PRKCH: variants seen among roughly 807,000 people sequenced by gnomAD.
PRKCH encodes the protein protein kinase C eta, also known as protein kinase C eta type.
A neutral mutation model predicts 82.5 loss-of-function variants in PRKCH; 28 were observed. The ratio of observed to expected loss-of-function variants is 0.34; its 90% CI spans 0.25 to 0.47. The LOEUF (loss-of-function observed/expected upper bound fraction) is 0.47. Among genes scored for constraint, PRKCH ranks in the 20% least tolerant of loss-of-function variants. PRKCH has a pLI of 1.00. For synonymous variants in PRKCH, 322 were observed against 327.4 expected (o/e 0.98, Z 0.18); for missense variants, 705 against 881.8 (o/e 0.80, Z 2.54).
chr14:61,406,000 T>G (rs544565226), intron 2 of PRKCH, among the ~76,000 whole-genome samples: 1 of 152,274 alleles, frequency 6.6e-6, no homozygotes, highest in South Asian at 2.1e-4. Flanking sequence ...TTGAGAATTT[T>G]GAAAAATACA....
intron 1 of PRKCH, chr14:61,281,121 G>A (rs2045261350): frequency 4.2e-6 from 6 of 1,416,456 alleles, no homozygotes; most frequent in South Asian, 1.5e-5. Context: ...GCTGGTGGGC[G>A]CCCCGGGCCG....
At chr14:61,395,021 T>C (rs2046752746) in intron 2 of PRKCH, among the ~76,000 whole-genome samples, 2 of 152,320 alleles carry the variant, frequency 1.3e-5, no homozygotes, top group South Asian at 4.1e-4. Context: ...TGTTTGCATA[T>C]TTTAAAAGAT....
chr14:61,533,716 C>G (rs542072152), intron 12 of PRKCH, among the ~76,000 whole-genome samples: 2 of 152,218 alleles, frequency 1.3e-5, no homozygotes, highest in African/African-American at 2.4e-5. Context: ...AGGGCTACTG[C>G]GTGGTTGGCA....
chr14:61,522,311 T>C (rs1305182421), intron 10 of PRKCH, among the ~76,000 whole-genome samples: 7 of 152,200 alleles, frequency 4.6e-5, no homozygotes, highest in African/African-American at 1.7e-4. Flanking sequence ...TCCTCTGATA[T>C]GGAGTCCTGT....
chr14:61,310,021 T>C (rs1403402100), intron 1 of PRKCH, among the ~76,000 whole-genome samples: 1 of 151,628 alleles, frequency 6.6e-6, no homozygotes, highest in African/African-American at 2.4e-5. Context: ...AAGAATAGCA[T>C]GGAGGGAACC....
At chr14:61,288,374 C>T (rs981413046) in intron 1 of PRKCH, among the ~76,000 whole-genome samples, 8 of 152,214 alleles carry the variant, frequency 5.3e-5, no homozygotes, top group Non-Finnish European at 1.2e-4. Flanking sequence ...GGATTACAGG[C>T]ATGAGCTGTG....
At chr14:61,487,069 T>C (rs2140332331) in intron 10 of PRKCH, among the ~76,000 whole-genome samples, 1 of 152,274 alleles carries the variant, frequency 6.6e-6, no homozygotes, top group Non-Finnish European at 1.5e-5. Context: ...AGTAACTCTC[T>C]TAGAGAGAGT....
intron 1 of PRKCH, among the ~76,000 whole-genome samples, chr14:61,188,391 C>T (rs2044379623): frequency 6.6e-6 from 1 of 152,176 alleles, no homozygotes; most frequent in Middle Eastern, 3.2e-3. Flanking sequence ...GAAGGCTGGC[C>T]CGCGGCTCTC....
At chr14:61,209,204 C>G (rs963687995) in intron 1 of PRKCH, among the ~76,000 whole-genome samples, 19 of 151,376 alleles carry the variant, frequency 1.3e-4, no homozygotes, top group Admixed American at 6.6e-4. Flanking sequence ...TCTTGGACTT[C>G]TCAGCCTCAA....
At chr14:61,188,605 TG>T (rs2044384744) in intron 1 of PRKCH, among the ~76,000 whole-genome samples, 3 of 55,242 alleles carry the variant, frequency 5.4e-5, no homozygotes, top group Non-Finnish European at 8.0e-5. Flanking sequence ...GGTGGGGGGG[TG>T]GTGTGGTGTG....
chr14:61,202,782 T>C (rs935313981), intron 1 of PRKCH, among the ~76,000 whole-genome samples: 1 of 152,198 alleles, frequency 6.6e-6, no homozygotes, highest in African/African-American at 2.4e-5. Flanking sequence ...TATATACTTA[T>C]CCTCACGCCC....
At chr14:61,322,946 G>C (rs2045649054) in intron 1 of PRKCH, 1 of 156,816 alleles carries the variant, frequency 6.4e-6, no homozygotes, top group African/African-American at 2.4e-5. Context: ...ACGTGCACAC[G>C]TGTTTCGGCT....
At chr14:61,240,126 CGT>C (rs1566791161) in intron 1 of PRKCH, among the ~76,000 whole-genome samples, 237 of 151,692 alleles carry the variant, frequency 1.6e-3, no homozygotes, top group African/African-American at 5.3e-3. Flanking sequence ...GTAGAAACAC[CGT>C]GGGTCCTTTG....
At chr14:61,454,498 C>CA (rs1197594168) in intron 7 of PRKCH, among the ~76,000 whole-genome samples, 2 of 152,208 alleles carry the variant, frequency 1.3e-5, no homozygotes, top group Non-Finnish European at 2.9e-5. Flanking sequence ...GGGGACCAGG[C>CA]AGGACAGGTG....
At chr14:61,442,991 A>G in intron 2 of PRKCH, 120 bp from the exon 3 acceptor site, 1 of 995,684 alleles carries the variant, frequency 1.0e-6, no homozygotes, top group African/African-American at 1.6e-5. Flanking sequence ...GATGGTTTAG[A>G]TCTTGAAGAA....
chr14:61,239,954 ACT>A (rs2044821982), intron 1 of PRKCH, among the ~76,000 whole-genome samples: 1 of 152,180 alleles, frequency 6.6e-6, no homozygotes, highest in Admixed American at 6.5e-5. Flanking sequence ...TGTATATTTT[ACT>A]TTTTTGTTGT....
At chr14:61,302,149 T>C (rs2045452401) in intron 1 of PRKCH, among the ~76,000 whole-genome samples, 1 of 152,268 alleles carries the variant, frequency 6.6e-6, no homozygotes, top group South Asian at 2.1e-4. Context: ...TTGAATTTAT[T>C]GGCATAATGT....
chr14:61,352,514 A>T (rs1441466939), intron 1 of PRKCH, among the ~76,000 whole-genome samples: 4 of 152,014 alleles, frequency 2.6e-5, no homozygotes, highest in African/African-American at 9.7e-5. Context: ...AATACAAAAA[A>T]TTAGCTGGGC....
chr14:61,195,075 C>G (rs1566776284), intron 1 of PRKCH, among the ~76,000 whole-genome samples: 2 of 152,152 alleles, frequency 1.3e-5, no homozygotes, highest in African/African-American at 2.4e-5. Context: ...TATGTTTTAC[C>G]TGCATATTTA....
Sources: allele counts gnomAD v4.1 joint callset (sites outside exome capture counted in the v4.1 genomes callset), GRCh38; gene constraint gnomAD v4.1.1; transcripts MANE v1.5; gene names NCBI Gene and HGNC (gene_info 2026-07-23, HGNC 2026-07-21).